The following CHCHD6 variants were observed in gnomAD, a reference collection of about 807,000 sequenced individuals.
CHCHD6 encodes the protein coiled-coil-helix-coiled-coil-helix domain containing 6.
A neutral mutation model predicts 32.3 loss-of-function variants in CHCHD6; 28 were observed. That is an observed-to-expected ratio of 0.87 (90% CI 0.64 to 1.19). The LOEUF is 1.19. Among genes scored for constraint, CHCHD6 ranks in the 50% most tolerant of loss-of-function variants. CHCHD6 has a pLI of 0.00. For missense variants in CHCHD6, 333 were observed against 307.0 expected (o/e 1.08, Z -0.63); for synonymous variants, 122 against 117.5 (o/e 1.04, Z -0.25).
intron 1 of CHCHD6, 90 bp from the exon 2 acceptor site, chr3:126,726,988 G>C: frequency 1.1e-6 from 1 of 883,264 alleles, no homozygotes; most frequent in South Asian, 1.5e-5. Flanking sequence ...AGCGCATTCA[G>C]TAAATCTGGG....
At chr3:126,736,900 A>G (rs1234817431) in intron 4 of CHCHD6, among the ~76,000 whole-genome samples, 3 of 152,200 alleles carry the variant, frequency 2.0e-5, no homozygotes, top group African/African-American at 7.2e-5. Flanking sequence ...TTAAAAATCA[A>G]ATGGATGGAG....
At chr3:126,841,457 A>AT (rs1347307156) in intron 4 of CHCHD6, among the ~76,000 whole-genome samples, 2 of 152,102 alleles carry the variant, frequency 1.3e-5, no homozygotes, top group East Asian at 3.8e-4. Flanking sequence ...ACTCTTTATT[A>AT]TTTTTTAAAA....
intron 6 of CHCHD6, among the ~76,000 whole-genome samples, chr3:126,952,063 A>G (rs2078723379): frequency 1.3e-5 from 2 of 152,222 alleles, no homozygotes; most frequent in East Asian, 1.9e-4. Flanking sequence ...GTGAGTTGTG[A>G]TTACCTAAGA....
chr3:126,846,275 T>C (rs1210598406), intron 4 of CHCHD6, among the ~76,000 whole-genome samples: 1 of 152,114 alleles, frequency 6.6e-6, no homozygotes, highest in Non-Finnish European at 1.5e-5. Context: ...CCAGAGGACA[T>C]TTGTCAAAAA....
rs771724176 is a variant in CHCHD6 at position 126,730,551 on chromosome 3, T to A, written c.197-10T>A. On this transcript the variant is annotated splice_polypyrimidine_tract_variant and intron_variant, in intron 2 of 7. Coordinates refer to ENST00000290913, the MANE Select transcript of CHCHD6 (RefSeq NM_032343.3). ...CCACTGACAGGCCCTTTCTTCTCTT[T>A]CCTTTGCAGAATCCACACTGCCCAG... The A allele has an allele frequency of 6.8e-6, 11 of 1,612,876 alleles. No homozygotes were observed. The South Asian group carries it at 1.2e-4, about 18-fold the overall frequency.
chr3:126,926,080 GTTC>G (rs2078320592), intron 6 of CHCHD6, among the ~76,000 whole-genome samples: 1 of 152,164 alleles, frequency 6.6e-6, no homozygotes, highest in African/African-American at 2.4e-5. Flanking sequence ...TAGGACTCTC[GTTC>G]CTCTAGGCTC....
chr3:126,848,451 A>G (rs1290262933), intron 4 of CHCHD6, among the ~76,000 whole-genome samples: 2 of 152,130 alleles, frequency 1.3e-5, no homozygotes, highest in Non-Finnish European at 2.9e-5. Context: ...TACCTTTCTG[A>G]GCAACTTAAA....
intron 2 of CHCHD6, among the ~76,000 whole-genome samples, chr3:126,728,911 A>G (rs1935659869): frequency 6.6e-6 from 1 of 152,250 alleles, no homozygotes; most frequent in South Asian, 2.1e-4. Flanking sequence ...GGACTGTCTT[A>G]AAGTTAACTA....
intron 1 of CHCHD6, among the ~76,000 whole-genome samples, chr3:126,714,209 C>T (rs1213212487): frequency 6.6e-6 from 1 of 151,696 alleles, no homozygotes; most frequent in Non-Finnish European, 1.5e-5. Context: ...AAAGTGGCTA[C>T]ACTCTTCAGG....
intron 4 of CHCHD6, among the ~76,000 whole-genome samples, chr3:126,789,314 G>GA (rs1938399179): frequency 6.6e-6 from 1 of 152,224 alleles, no homozygotes; most frequent in African/African-American, 2.4e-5. Flanking sequence ...TTGGGGTGGA[G>GA]AGTTCTGTAG....
intron 6 of CHCHD6, among the ~76,000 whole-genome samples, chr3:126,947,771 A>G (rs2078660172): frequency 6.6e-6 from 1 of 152,164 alleles, no homozygotes; most frequent in African/African-American, 2.4e-5. Context: ...CCCCTCCCAC[A>G]GGCTGATCCT....
intron 7 of CHCHD6, chr3:126,957,918 A>C (rs1320451712): frequency 5.4e-6 from 2 of 370,186 alleles, no homozygotes; most frequent in African/African-American, 4.2e-5. Flanking sequence ...CAGAGGCCCG[A>C]GTGCAGAGTG....
At chr3:126,857,468 T>A (rs1368460645) in intron 5 of CHCHD6, among the ~76,000 whole-genome samples, 3 of 152,168 alleles carry the variant, frequency 2.0e-5, no homozygotes, top group Non-Finnish European at 2.9e-5. Flanking sequence ...CTTTCCCCCA[T>A]TGTACTCCCT....
At chr3:126,913,483 C>G (rs756425029) in intron 5 of CHCHD6, among the ~76,000 whole-genome samples, 3 of 152,028 alleles carry the variant, frequency 2.0e-5, no homozygotes, top group Non-Finnish European at 2.9e-5. Context: ...GATCCACACA[C>G]CTCAGCCTCC....
At chr3:126,904,473 T>C (rs9872353) in intron 5 of CHCHD6, among the ~76,000 whole-genome samples, 56,716 of 152,188 alleles carry the variant, frequency 0.37, 11,652 homozygotes, top group African/African-American at 0.56. Flanking sequence ...GTGAATCACA[T>C]TGTTAAAAAG....
chr3:126,793,978 C>T (rs1431829509), intron 4 of CHCHD6, among the ~76,000 whole-genome samples: 1 of 152,076 alleles, frequency 6.6e-6, no homozygotes, highest in Admixed American at 6.5e-5. Flanking sequence ...CATTTTCTCC[C>T]ATAGGTAATG....
rs1333338315 is a variant in CHCHD6, at chr3:126,704,330, C to G, written c.18C>G (p.Ser6Arg). The G allele has an allele frequency of 6.2e-7, 1 of 1,603,148 alleles. No individual in the cohort carries two copies. The highest frequency in any genetic ancestry group is 1.1e-5 in the South Asian group (1 of 89,680). The change falls in exon 1 of 8, where the codon AGC becomes AGG. Residue 6 changes from serine (S) to arginine (R), a missense_variant. Physicochemically the swap from Ser to Arg is moderately radical, Grantham distance 110. Transcript: ENST00000290913. ...ATCTCGCCATGGGGAGCACGGAGAGCAGCGAGGGCCGCAGGGTGTCCTTCG... is the reference window on the plus strand; with the variant it reads ...ATCTCGCCATGGGGAGCACGGAGAGGAGCGAGGGCCGCAGGGTGTCCTTCG... The part of the protein sequence containing the change: MGSTE[S>R]SEGRRVSFGV...
Position 126,868,002 on chromosome 3 carries a change from A to G in CHCHD6, c.495+15272A>G, listed in dbSNP as rs373017126. Among the ~76,000 whole-genome samples, 4 of 152,326 alleles carry G rather than the reference A, an allele frequency of 2.6e-5. No individual in the cohort carries two copies. In the South Asian group the frequency reaches 8.3e-4, roughly 32 times the overall value. On this transcript the variant is annotated intron_variant, in intron 5 of 7. Coordinates refer to ENST00000290913, the MANE Select transcript of CHCHD6 (RefSeq NM_032343.3). Reference sequence around the variant, plus strand: ...TGATCTGGGCCCTGCTTGTGGCTCCAGGCCCTATTCCAGTCACACCTGGCA... The same window carrying G: ...TGATCTGGGCCCTGCTTGTGGCTCCGGGCCCTATTCCAGTCACACCTGGCA...
intron 5 of CHCHD6, among the ~76,000 whole-genome samples, chr3:126,891,707 G>C (rs2077761657): frequency 6.6e-6 from 1 of 152,154 alleles, no homozygotes; most frequent in African/African-American, 2.4e-5. Context: ...GGGGTTGTGA[G>C]AAGTGCTTGG....
Sources: allele counts gnomAD v4.1 joint callset (sites outside exome capture counted in the v4.1 genomes callset), GRCh38; gene constraint gnomAD v4.1.1; transcripts MANE v1.5; gene names NCBI Gene and HGNC (gene_info 2026-07-23, HGNC 2026-07-21).